ZNF407: variants seen among roughly 807,000 people sequenced by gnomAD.
ZNF407 encodes zinc finger protein 407.
In ZNF407, 17 loss-of-function variants were observed where a neutral mutation model predicts 131.2. The observed-to-expected ratio is 0.13, with a 90% CI of 0.09 to 0.19. The LOEUF is 0.19. Among genes scored for constraint, ZNF407 ranks in the 10% least tolerant of loss-of-function variants. The probability of loss-of-function intolerance (pLI) is 1.00; values close to 1 mark genes in which losing one functional copy is unlikely to be tolerated. For missense variants in ZNF407, 2,681 were observed against 2,830.6 expected, an observed-to-expected ratio of 0.95 and a Z score of 1.20; for synonymous variants, 1,156 against 1,062.0, an observed-to-expected ratio of 1.09 and a Z score of -1.72.
chr18:74,632,307 C>T lies in ZNF407; in HGVS notation c.1288C>T (p.Arg430Ter). 6.2e-7 allele frequency: 1 copy of T among 1,613,932 alleles called. No homozygotes were observed. The highest frequency in any genetic ancestry group is 8.5e-7 in the Non-Finnish European group (1 of 1,179,892). ...CGTGTTGGGTAATAGCTTTCGTCGACGAAGCAGCACTTTCACCTTGAAGGG... is the reference window on the plus strand; with the variant it reads ...CGTGTTGGGTAATAGCTTTCGTCGATGAAGCAGCACTTTCACCTTGAAGGG... ...ILVLGNSFRR[R>*]SSTFTLKGQA... Residue 430 changes from arginine to a stop codon, truncating the protein, a stop_gained, in exon 2 of 9, where the codon CGA becomes TGA. Coordinates refer to ENST00000299687, the MANE Select transcript of ZNF407 (RefSeq NM_017757.3). LOFTEE classifies it high-confidence loss of function.
At chr18:74,679,276 C>T (rs897398158) in intron 3 of ZNF407, among the ~76,000 whole-genome samples, 1 of 152,238 alleles carries the variant, frequency 6.6e-6, no homozygotes, top group African/African-American at 2.4e-5. Context: ...CTGTCCTTGT[C>T]TGAGCTTTAG....
intron 3 of ZNF407, among the ~76,000 whole-genome samples, chr18:74,720,073 G>T (rs1967992741): frequency 3.3e-5 from 5 of 152,056 alleles, no homozygotes; most frequent in South Asian, 4.1e-4. Flanking sequence ...TGAAGAAGAA[G>T]AAGTTCCTTA....
Position 74,632,935 on chromosome 18 carries a change from A to C in ZNF407, c.1916A>C (p.His639Pro). 1 of 1,613,262 alleles carries C rather than the reference A, an allele frequency of 6.2e-7. No individual in the cohort carries two copies. Residue 639 changes from histidine (H) to proline (P), a missense_variant, in exon 2 of 9, where the codon CAT becomes CCT. By Grantham distance (77) the His-to-Pro change is moderately conservative. Transcript: ENST00000299687. ...DVEEHKATEK[H>P]INSLVQPKTL... ...GAAGAACACAAAGCCACCGAGAAGC[A>C]TATTAATTCATTGGTTCAACCAAAG...
At chr18:74,651,872 T>C (rs1985242047) in intron 3 of ZNF407, among the ~76,000 whole-genome samples, 1 of 152,144 alleles carries the variant, frequency 6.6e-6, no homozygotes, top group African/African-American at 2.4e-5. Context: ...CATCACATTA[T>C]TTTGAAAACT....
chr18:74,935,136 A>G (rs539287103), intron 8 of ZNF407, among the ~76,000 whole-genome samples: 1 of 152,350 alleles, frequency 6.6e-6, no homozygotes, highest in Non-Finnish European at 1.5e-5. Context: ...AGACTGTTTT[A>G]AAGAATCCAT....
At chr18:74,687,748 A>G (rs942563192) in intron 3 of ZNF407, among the ~76,000 whole-genome samples, 2 of 152,338 alleles carry the variant, frequency 1.3e-5, no homozygotes, top group Admixed American at 1.3e-4. Context: ...TACAAAGTCA[A>G]TACTCATCTT....
chr18:74,643,524 A>G (rs1339324925), intron 3 of ZNF407, among the ~76,000 whole-genome samples: 2 of 152,006 alleles, frequency 1.3e-5, no homozygotes, highest in African/African-American at 2.4e-5. Context: ...TATTTCTCAA[A>G]TAGTCTTGAT....
intron 4 of ZNF407, among the ~76,000 whole-genome samples, chr18:74,831,748 C>G (rs568289014): frequency 6.6e-6 from 1 of 152,176 alleles, no homozygotes. Context: ...CCCCCTCACC[C>G]CTGCCCTGCT....
chr18:74,770,104 A>G (rs1252897709), intron 3 of ZNF407, among the ~76,000 whole-genome samples: 1 of 152,196 alleles, frequency 6.6e-6, no homozygotes, highest in Admixed American at 6.5e-5. Flanking sequence ...CATGAAGCAT[A>G]CAACAAAACT....
intron 8 of ZNF407, among the ~76,000 whole-genome samples, chr18:75,008,424 G>A (rs1039164244): frequency 2.6e-5 from 4 of 152,190 alleles, no homozygotes; most frequent in Non-Finnish European, 4.4e-5. Context: ...GTCAGGAAAA[G>A]CTCCTCTGAA....
chr18:75,021,604 TG>T (rs1973111337), intron 8 of ZNF407, among the ~76,000 whole-genome samples: 1 of 152,094 alleles, frequency 6.6e-6, no homozygotes, highest in East Asian at 1.9e-4. Flanking sequence ...CACAAGTCAA[TG>T]TAAAAGGGAA....
chr18:74,779,107 A>ATTT (rs1164567395), intron 3 of ZNF407, among the ~76,000 whole-genome samples: 3 of 23,556 alleles, frequency 1.3e-4, no homozygotes, highest in African/African-American at 2.2e-4. Flanking sequence ...ATATATATAT[A>ATTT]TATTTTTTTT....
intron 3 of ZNF407, among the ~76,000 whole-genome samples, chr18:74,758,246 A>G (rs1010403536): frequency 3.3e-5 from 5 of 152,040 alleles, no homozygotes; most frequent in African/African-American, 9.7e-5. Flanking sequence ...TTTGTGTTAA[A>G]TAGGAATTTT....
At chr18:74,725,521 T>C (rs1968136604) in intron 3 of ZNF407, among the ~76,000 whole-genome samples, 2 of 152,212 alleles carry the variant, frequency 1.3e-5, no homozygotes, top group South Asian at 2.1e-4. Context: ...TCTCATTGAG[T>C]ATCTTCATGT....
intron 3 of ZNF407, among the ~76,000 whole-genome samples, chr18:74,678,693 G>A (rs146966489): frequency 2.4e-4 from 36 of 152,214 alleles, no homozygotes; most frequent in African/African-American, 8.2e-4. Context: ...ACGAGGGTTG[G>A]TCCAAATTGC....
intron 3 of ZNF407, among the ~76,000 whole-genome samples, chr18:74,658,604 A>G (rs1435370633): frequency 1.3e-5 from 2 of 152,216 alleles, no homozygotes; most frequent in African/African-American, 4.8e-5. Flanking sequence ...AATGCTCAAT[A>G]TGATTACTAG....
At chr18:75,009,432 C>G (rs1388081970) in intron 8 of ZNF407, among the ~76,000 whole-genome samples, 3 of 152,136 alleles carry the variant, frequency 2.0e-5, no homozygotes, top group Non-Finnish European at 2.9e-5. Context: ...ACTATAAGGT[C>G]TTCAAATATT....
chr18:74,608,950 T>G (rs1323791327), intron 1 of ZNF407, among the ~76,000 whole-genome samples: 1 of 152,216 alleles, frequency 6.6e-6, no homozygotes, highest in Non-Finnish European at 1.5e-5. Flanking sequence ...TTCTTTGTGA[T>G]TAATGACTCA....
chr18:74,854,062 A>C (rs1970825523), intron 4 of ZNF407, among the ~76,000 whole-genome samples: 1 of 152,106 alleles, frequency 6.6e-6, no homozygotes, highest in African/African-American at 2.4e-5. Flanking sequence ...CTGGCGGATG[A>C]GTGAGGGGGC....
Sources: allele counts gnomAD v4.1 joint callset (sites outside exome capture counted in the v4.1 genomes callset), GRCh38; gene constraint gnomAD v4.1.1; transcripts MANE v1.5; gene names NCBI Gene and HGNC (gene_info 2026-07-23, HGNC 2026-07-21).